Variants in KCNQ5 observed in about 807,000 individuals in gnomAD.
KCNQ5 encodes potassium voltage-gated channel subfamily KQT member 5.
Under a neutral mutation model 98.2 loss-of-function variants are expected in KCNQ5, and 30 were observed. The observed-to-expected ratio is 0.31, with a 90% CI of 0.23 to 0.41. The LOEUF (loss-of-function observed/expected upper bound fraction) is 0.41. KCNQ5 is among the 10% of genes least tolerant of loss of function. KCNQ5 has a pLI of 1.00. For synonymous variants in KCNQ5, 458 were observed against 449.4 expected, an observed-to-expected ratio of 1.02 and a Z score of -0.24; for missense variants, 835 against 1,182.5, an observed-to-expected ratio of 0.71 and a Z score of 4.31.
intron 1 of KCNQ5, among the ~76,000 whole-genome samples, chr6:72,623,180 G>A (rs2098916332): frequency 6.6e-6 from 1 of 152,180 alleles, no homozygotes; most frequent in African/African-American, 2.4e-5. Flanking sequence ...AGTGCATGTA[G>A]CCCTTCCTGC....
chr6:72,863,531 C>G (rs879431759), intron 1 of KCNQ5, among the ~76,000 whole-genome samples: 5 of 152,176 alleles, frequency 3.3e-5, no homozygotes, highest in Non-Finnish European at 7.3e-5. Flanking sequence ...CTCTAAAGGG[C>G]TTAGGGAAAG....
intron 5 of KCNQ5, among the ~76,000 whole-genome samples, chr6:73,094,197 TG>T (rs1328137204): frequency 6.6e-6 from 1 of 152,074 alleles, no homozygotes; most frequent in Middle Eastern, 3.2e-3. Flanking sequence ...CTTTAAAGTT[TG>T]TTTGTCTAAG....
At chr6:73,099,258 C>T (rs1434473485) in intron 5 of KCNQ5, among the ~76,000 whole-genome samples, 1 of 151,960 alleles carries the variant, frequency 6.6e-6, no homozygotes, top group Non-Finnish European at 1.5e-5. Flanking sequence ...GAGAAGACCA[C>T]AAAACAACTA....
intron 1 of KCNQ5, among the ~76,000 whole-genome samples, chr6:72,854,758 T>TTGTG (rs34867008): frequency 0.39 from 48,971 of 126,688 alleles, 9,965 homozygotes; most frequent in Non-Finnish European, 0.47. Context: ...ACACCATGGT[T>TTGTG]TGTGTGTGTG....
intron 1 of KCNQ5, among the ~76,000 whole-genome samples, chr6:72,756,941 C>T (rs1303963739): frequency 6.6e-6 from 1 of 152,032 alleles, no homozygotes; most frequent in Non-Finnish European, 1.5e-5. Flanking sequence ...TTTTAGGATT[C>T]TCTACAAATT....
chr6:72,981,087 C>T (rs1220116629), intron 1 of KCNQ5, among the ~76,000 whole-genome samples: 2 of 151,900 alleles, frequency 1.3e-5, no homozygotes, highest in South Asian at 2.1e-4. Context: ...ATTTTCTCAT[C>T]GATATTCCTC....
At chr6:72,656,006 G>A (rs1766174927) in intron 1 of KCNQ5, among the ~76,000 whole-genome samples, 3 of 152,148 alleles carry the variant, frequency 2.0e-5, no homozygotes, top group Non-Finnish European at 4.4e-5. Flanking sequence ...CATCTGTATA[G>A]TATTTTAAAT....
chr6:73,018,197 G>T (rs1332665233), intron 2 of KCNQ5, among the ~76,000 whole-genome samples: 1 of 152,096 alleles, frequency 6.6e-6, no homozygotes, highest in Non-Finnish European at 1.5e-5. Context: ...AAGTCTGGAG[G>T]TTTCTCTGCC....
chr6:73,014,800 T>C (rs926848028), intron 2 of KCNQ5, among the ~76,000 whole-genome samples: 1 of 152,126 alleles, frequency 6.6e-6, no homozygotes, highest in Non-Finnish European at 1.5e-5. Context: ...TTCTTTTTAA[T>C]GCGGGCACAT....
intron 1 of KCNQ5, among the ~76,000 whole-genome samples, chr6:72,651,855 G>A (rs1273283143): frequency 6.6e-6 from 1 of 151,880 alleles, no homozygotes; most frequent in Non-Finnish European, 1.5e-5. Flanking sequence ...TTATTTTTAA[G>A]GGAAAGAAAA....
intron 10 of KCNQ5, among the ~76,000 whole-genome samples, chr6:73,150,729 A>G (rs1335631795): frequency 6.6e-6 from 1 of 151,604 alleles, no homozygotes; most frequent in Non-Finnish European, 1.5e-5. Context: ...ATCTTGTGAG[A>G]ATTATGTTAA....
intron 1 of KCNQ5, among the ~76,000 whole-genome samples, chr6:73,001,024 C>T (rs940428157): frequency 2.6e-5 from 4 of 152,216 alleles, no homozygotes; most frequent in South Asian, 2.1e-4. Context: ...TTGCCTCATT[C>T]ATTTTCTGAC....
chr6:72,871,167 G>C (rs773710901), intron 1 of KCNQ5, among the ~76,000 whole-genome samples: 2 of 152,078 alleles, frequency 1.3e-5, no homozygotes, highest in African/African-American at 4.8e-5. Flanking sequence ...AAAAGAACAA[G>C]CATCCTCATT....
chr6:73,002,941 A>T (rs1242400550), intron 1 of KCNQ5, among the ~76,000 whole-genome samples: 1 of 152,214 alleles, frequency 6.6e-6, no homozygotes, highest in Non-Finnish European at 1.5e-5. Context: ...AGGAGGAGTC[A>T]GGGACTAACT....
intron 1 of KCNQ5, among the ~76,000 whole-genome samples, chr6:72,785,338 A>G (rs1773681935): frequency 6.6e-6 from 1 of 152,048 alleles, no homozygotes; most frequent in Non-Finnish European, 1.5e-5. Flanking sequence ...CATGACAAGG[A>G]TAGGGAGTTA....
intron 6 of KCNQ5, among the ~76,000 whole-genome samples, chr6:73,110,668 A>G (rs2350749): frequency 0.94 from 143,109 of 152,278 alleles, 67,310 homozygotes; most frequent in South Asian, 0.98. Flanking sequence ...CTTCTACTCT[A>G]TATCTTCAAA....
At chr6:73,054,669 A>T (rs532883843) in intron 3 of KCNQ5, among the ~76,000 whole-genome samples, 1 of 152,334 alleles carries the variant, frequency 6.6e-6, no homozygotes, top group African/African-American at 2.4e-5. Flanking sequence ...ACCCTCAACA[A>T]ACTAGGCACT....
chr6:72,867,165 A>G (rs1298495054), intron 1 of KCNQ5, among the ~76,000 whole-genome samples: 1 of 152,252 alleles, frequency 6.6e-6, no homozygotes, highest in Non-Finnish European at 1.5e-5. Flanking sequence ...GAAATAAGTT[A>G]CTGAATTGTA....
At chr6:72,627,644 A>ACCC (rs1565040883) in intron 1 of KCNQ5, among the ~76,000 whole-genome samples, 1 of 152,122 alleles carries the variant, frequency 6.6e-6, no homozygotes, top group Admixed American at 6.5e-5. Context: ...GGGAAAATGG[A>ACCC]CCCAGTAGTG....
Sources: gnomAD v4.1 joint callset for allele counts (sites outside exome capture counted in the v4.1 genomes callset) on GRCh38, gnomAD v4.1.1 for gene constraint, MANE v1.5 for transcripts, NCBI Gene and HGNC (gene_info 2026-07-23, HGNC 2026-07-21) for gene names.